The following VSX2 variants were observed in gnomAD, a reference collection of about 807,000 sequenced individuals.
The protein encoded by VSX2 is ceh-10 homeo domain containing homolog.
A neutral mutation model predicts 32.1 loss-of-function variants in VSX2; 28 were observed. That is an observed-to-expected ratio of 0.87 (90% CI 0.65 to 1.20). VSX2 has a LOEUF of 1.20. Ranked by LOEUF, VSX2 falls within the 50% of genes most tolerant of loss-of-function variation. VSX2 has a pLI of 0.00. For missense variants in VSX2, 506 were observed against 488.7 expected, an observed-to-expected ratio of 1.04 and a Z score of -0.33; for synonymous variants, 243 against 214.1, an observed-to-expected ratio of 1.14 and a Z score of -1.18.
chr14:74,254,784 A>ATT (rs537753574), intron 3 of VSX2, among the ~76,000 whole-genome samples: 2,945 of 116,646 alleles, frequency 0.025, 440 homozygotes, highest in African/African-American at 0.092. Flanking sequence ...CGAAAAGTGG[A>ATT]TTTTTTTTTT....
intron 1 of VSX2, among the ~76,000 whole-genome samples, chr14:74,240,504 C>G (rs1287550196): frequency 6.6e-6 from 1 of 151,974 alleles, no homozygotes; most frequent in African/African-American, 2.4e-5. Context: ...TATACTGGAG[C>G]CCGGGGACGC....
chr14:74,256,132 T>A (rs2079260966), intron 3 of VSX2, among the ~76,000 whole-genome samples: 1 of 152,186 alleles, frequency 6.6e-6, no homozygotes, highest in African/African-American at 2.4e-5. Context: ...TTTTTGCCAT[T>A]GAAAGTAATT....
intron 2 of VSX2, among the ~76,000 whole-genome samples, chr14:74,244,544 C>T (rs191804824): frequency 3.3e-5 from 5 of 152,138 alleles, no homozygotes; most frequent in African/African-American, 7.2e-5. Context: ...TTTGACCTTC[C>T]GGTGAATCTT....
At chr14:74,244,597 G>C (rs1237644751) in intron 2 of VSX2, among the ~76,000 whole-genome samples, 1 of 152,140 alleles carries the variant, frequency 6.6e-6, no homozygotes, top group East Asian at 1.9e-4. Flanking sequence ...TAGTGACTGT[G>C]AGAGGGGCCC....
At chr14:74,254,500 G>C (rs1167179603) in intron 3 of VSX2, among the ~76,000 whole-genome samples, 1 of 152,220 alleles carries the variant, frequency 6.6e-6, no homozygotes, top group Non-Finnish European at 1.5e-5. Flanking sequence ...GCCTAAGGGG[G>C]AAGTAGAGGC....
In VSX2 at chr14:74,245,222, C is replaced by G; in HGVS notation, c.513C>G (p.His171Gln). 6.2e-7 allele frequency: 1 copy of G among 1,613,784 alleles called. No individual in the cohort carries two copies. Among genetic ancestry groups the G allele is most frequent in the Non-Finnish European group, 8.5e-7 (1 of 1,179,964 alleles). The change falls in exon 3 of 5, where the codon CAC (histidine) becomes CAG (glutamine). Residue 171 changes from histidine to glutamine, a missense_variant. Coordinates refer to ENST00000261980, the MANE Select transcript of VSX2 (RefSeq NM_182894.3). The part of the protein sequence containing the change: ...EELEKAFNEA[H>Q]YPDVYAREML... ...TGGAGAAGGCATTCAACGAAGCCCACTACCCAGACGTCTATGCCCGGGAGA... is the reference window on the plus strand; with the variant it reads ...TGGAGAAGGCATTCAACGAAGCCCAGTACCCAGACGTCTATGCCCGGGAGA...
intron 3 of VSX2, among the ~76,000 whole-genome samples, chr14:74,251,742 ACT>A (rs1309940501): frequency 6.6e-6 from 1 of 152,088 alleles, no homozygotes; most frequent in Non-Finnish European, 1.5e-5. Flanking sequence ...CTGCAGCAAG[ACT>A]CCACTTGTCT....
At chr14:74,247,708 T>G (rs759092095) in intron 3 of VSX2, among the ~76,000 whole-genome samples, 3 of 151,968 alleles carry the variant, frequency 2.0e-5, no homozygotes, top group Non-Finnish European at 4.4e-5. Flanking sequence ...TGCTTTGACT[T>G]GAAGCTGGGG....
intron 3 of VSX2, among the ~76,000 whole-genome samples, chr14:74,250,292 T>C: frequency 6.6e-6 from 1 of 152,114 alleles, no homozygotes; most frequent in Non-Finnish European, 1.5e-5. Context: ...TGGAAGTCCC[T>C]GCCAGCTATC....
intron 1 of VSX2, among the ~76,000 whole-genome samples, chr14:74,240,337 G>C (rs1207395323): frequency 1.3e-5 from 2 of 152,188 alleles, no homozygotes; most frequent in Non-Finnish European, 2.9e-5. Flanking sequence ...GCCCGATGCT[G>C]TTCCGGCTCC....
intron 3 of VSX2, among the ~76,000 whole-genome samples, chr14:74,257,537 CAA>C (rs2079272032): frequency 2.0e-5 from 3 of 152,356 alleles, no homozygotes; most frequent in East Asian, 3.9e-4. Flanking sequence ...GCGTTTGGGT[CAA>C]CTTAAAGGTG....
chr14:74,245,012 G>A, intron 2 of VSX2, among the ~76,000 whole-genome samples, 153 bp from the exon 3 acceptor site: 1 of 147,616 alleles, frequency 6.8e-6, no homozygotes, highest in African/African-American at 2.6e-5. Flanking sequence ...GAGAGACAGA[G>A]AGAGAGAGAG....
intron 3 of VSX2, among the ~76,000 whole-genome samples, chr14:74,258,153 G>T (rs544263087): frequency 6.6e-6 from 1 of 152,310 alleles, no homozygotes; most frequent in East Asian, 1.9e-4. Flanking sequence ...AAGCGGGGGC[G>T]CTCGCGACGA....
Position 74,259,598 on chromosome 14 carries a change from G to A in VSX2, c.580-4G>A. 1 of 1,614,170 alleles carries A rather than the reference G, an allele frequency of 6.2e-7. No homozygotes were observed. The highest frequency in any genetic ancestry group is 8.5e-7 in the Non-Finnish European group (1 of 1,180,026). ...AGCCTCTGACCTGTTCTGTGCACCT[G>A]CAGGTCTGGTTCCAGAACCGTCGAG... On this transcript the variant is annotated splice_polypyrimidine_tract_variant and splice_region_variant and intron_variant, in intron 3 of 4. Coordinates refer to ENST00000261980, the MANE Select transcript of VSX2 (RefSeq NM_182894.3).
In VSX2 at chr14:74,260,907, G is replaced by T; in HGVS notation, c.1074G>T (p.Glu358Asp). ...PAERLSPPQL[E>D]DMA is the part of the protein sequence containing the mutation. ...AGAGGCTCAGTCCACCGCAGCTGGAGGACATGGCTTAGGTCAAGGCGCGCT... is the reference window on the plus strand; with the variant it reads ...AGAGGCTCAGTCCACCGCAGCTGGATGACATGGCTTAGGTCAAGGCGCGCT... Residue 358 changes from glutamate (E) to aspartate (D), a missense_variant, in exon 5 of 5, where the codon GAG (glutamate) becomes GAT (aspartate). Physicochemically the swap from Glu to Asp is conservative, Grantham distance 45 (BLOSUM62 2). Transcript: ENST00000261980. The T allele has an allele frequency of 6.4e-7, 1 of 1,559,644 alleles. No individual in the cohort carries two copies. The highest frequency in any genetic ancestry group is 8.7e-7 in the Non-Finnish European group (1 of 1,152,628).
chr14:74,241,572 C>T (rs933220238), intron 2 of VSX2, among the ~76,000 whole-genome samples: 1 of 152,238 alleles, frequency 6.6e-6, no homozygotes, highest in African/African-American at 2.4e-5. Context: ...GTCCCCAGAT[C>T]CCCGCACCAG....
At chr14:74,246,061 T>C (rs1323150769) in intron 3 of VSX2, among the ~76,000 whole-genome samples, 1 of 152,204 alleles carries the variant, frequency 6.6e-6, no homozygotes, top group Non-Finnish European at 1.5e-5. Context: ...GGCTGTGGAA[T>C]CATTTCTCTG....
chr14:74,243,294 G>A (rs73309212), intron 2 of VSX2, among the ~76,000 whole-genome samples: 3,224 of 152,164 alleles, frequency 0.021, 115 homozygotes, highest in African/African-American at 0.074. Flanking sequence ...CTCTCTACTG[G>A]GAAAGCTCAG....
At position 74,261,723 on chromosome 14, in the gene VSX2, CT is replaced by C. The variant is rs2079309073; in HGVS notation, c.*805del. 6.6e-6 allele frequency: 1 copy of C among 152,416 alleles called. No homozygotes were observed. The highest frequency in any genetic ancestry group is 6.5e-5 in the Admixed American group (1 of 15,288). The allele number at this position is 152,416 out of a possible 1,614,324, so 9.4% of individuals were successfully genotyped here. A position where few individuals can be genotyped will look rare whatever the true frequency, so the allele number is the denominator to read the frequency against. On this transcript the variant is annotated 3_prime_UTR_variant, in exon 5 of 5. Transcript: ENST00000261980. ...GTCCATGTCCTATGCCTCACAAATG[CT>C]GTGGTTCACTGCACTGTTCAGGAGT...
Sources: allele counts gnomAD v4.1 joint callset (sites outside exome capture counted in the v4.1 genomes callset), GRCh38; gene constraint gnomAD v4.1.1; transcripts MANE v1.5; gene names NCBI Gene and HGNC (gene_info 2026-07-23, HGNC 2026-07-21).